The following HSD17B12 variants were observed in gnomAD, a reference collection of about 807,000 sequenced individuals.
HSD17B12 encodes the protein hydroxysteroid 17-beta dehydrogenase 12, also known as very-long-chain 3-oxoacyl-CoA reductase.
In HSD17B12, 32 loss-of-function variants were observed where a neutral mutation model predicts 39.3. The ratio of observed to expected loss-of-function variants is 0.81; its 90% CI spans 0.61 to 1.09. The LOEUF (loss-of-function observed/expected upper bound fraction) is 1.09, where lower values mean the gene tolerates loss of function less well. Ranked by LOEUF, HSD17B12 falls within the 50% of genes least tolerant of loss-of-function variation. The pLI, the probability that HSD17B12 is intolerant of heterozygous loss-of-function variation, is 0.00. For missense variants in HSD17B12, 342 were observed against 382.9 expected (o/e 0.89, Z 0.89); for synonymous variants, 150 against 146.7 (o/e 1.02, Z -0.16).
chr11:43,704,738 C>T (rs188884197), intron 1 of HSD17B12, among the ~76,000 whole-genome samples: 6 of 152,228 alleles, frequency 3.9e-5, no homozygotes, highest in South Asian at 2.1e-4. Flanking sequence ...GAAGGCTTTC[C>T]GAGCCTTAAG....
the HSD17B12 span, among the ~76,000 whole-genome samples, chr11:43,594,736 G>A: frequency 9.9e-5 from 15 of 151,958 alleles, no homozygotes; most frequent in East Asian, 3.9e-4. Flanking sequence ...TGCATTAGTC[G>A]TTTGTTTTTC....
chr11:43,695,700 C>G (rs561986873), intron 1 of HSD17B12, among the ~76,000 whole-genome samples: 110 of 150,502 alleles, frequency 7.3e-4, no homozygotes, highest in Non-Finnish European at 1.2e-3. Flanking sequence ...TCTTTTTAAG[C>G]CTTTTAAATG....
chr11:43,855,025 G>T, intron 10 of HSD17B12, 119 bp from the exon 11 acceptor site: 1 of 1,072,000 alleles, frequency 9.3e-7, no homozygotes, highest in South Asian at 1.6e-5. Flanking sequence ...GTATACCCAA[G>T]AACTTTAAAA....
At chr11:43,566,651 T>G in the HSD17B12 span, among the ~76,000 whole-genome samples, 1 of 151,998 alleles carries the variant, frequency 6.6e-6, no homozygotes. Context: ...TACCTCAGCC[T>G]CCCAAGTAGC....
the HSD17B12 span, among the ~76,000 whole-genome samples, chr11:43,643,610 A>G: frequency 6.6e-6 from 1 of 152,220 alleles, no homozygotes; most frequent in East Asian, 1.9e-4. Context: ...CCCTAAAAAA[A>G]ACTAACTTCA....
At chr11:43,788,943 C>T (rs575415522) in intron 3 of HSD17B12, among the ~76,000 whole-genome samples, 1 of 152,280 alleles carries the variant, frequency 6.6e-6, no homozygotes, top group South Asian at 2.1e-4. Flanking sequence ...TACACTGGGT[C>T]CCACAAATTA....
At chr11:43,598,709 T>C in the HSD17B12 span, among the ~76,000 whole-genome samples, 1 of 152,194 alleles carries the variant, frequency 6.6e-6, no homozygotes, top group African/African-American at 2.4e-5. Flanking sequence ...CTTTTCTCAT[T>C]CATCCATCTC....
intron 1 of HSD17B12, among the ~76,000 whole-genome samples, chr11:43,694,329 AAT>A (rs1158527101): frequency 2.0e-5 from 3 of 152,134 alleles, no homozygotes; most frequent in African/African-American, 4.8e-5. Context: ...AAAGCTGCTA[AAT>A]AAGGGTGATT....
the HSD17B12 span, among the ~76,000 whole-genome samples, chr11:43,557,816 C>G: frequency 6.6e-6 from 1 of 151,970 alleles, no homozygotes; most frequent in African/African-American, 2.4e-5. Context: ...GTCTGTCAGT[C>G]TGGGGACTTA....
At chr11:43,779,330 T>C (rs1296349028) in intron 3 of HSD17B12, among the ~76,000 whole-genome samples, 2 of 152,234 alleles carry the variant, frequency 1.3e-5, no homozygotes, top group Non-Finnish European at 2.9e-5. Context: ...TCCTAGTTAC[T>C]AATTATTAAG....
chr11:43,834,155 A>C (rs1264097919), intron 7 of HSD17B12: 2 of 152,170 alleles, frequency 1.3e-5, no homozygotes, highest in Non-Finnish European at 1.5e-5. Flanking sequence ...TTCTAATTAT[A>C]CACCTGACCC....
At chr11:43,699,577 TTAC>T (rs1949943751) in intron 1 of HSD17B12, among the ~76,000 whole-genome samples, 1 of 152,244 alleles carries the variant, frequency 6.6e-6, no homozygotes. Flanking sequence ...AAATTGTGAA[TTAC>T]TTTTTGTTTT....
chr11:43,619,128 T>C, the HSD17B12 span, among the ~76,000 whole-genome samples: 62 of 139,264 alleles, frequency 4.5e-4, 1 homozygote, highest in Non-Finnish European at 8.8e-4. Flanking sequence ...ATTTAACTTA[T>C]AAGCTTTCTC....
chr11:43,828,841 G>A (rs1328697403), intron 6 of HSD17B12, among the ~76,000 whole-genome samples: 1 of 152,152 alleles, frequency 6.6e-6, no homozygotes, highest in Non-Finnish European at 1.5e-5. Flanking sequence ...AAAATTTGGT[G>A]TTAAAGAAAA....
chr11:43,563,794 G>C, the HSD17B12 span, among the ~76,000 whole-genome samples: 2 of 152,220 alleles, frequency 1.3e-5, no homozygotes, highest in East Asian at 3.9e-4. Context: ...CTCCAACATG[G>C]GTGACAGAGC....
the HSD17B12 span, among the ~76,000 whole-genome samples, chr11:43,596,591 C>A: frequency 6.6e-6 from 1 of 151,838 alleles, no homozygotes; most frequent in Non-Finnish European, 1.5e-5. Context: ...CACCATGATA[C>A]CTGGCTAATT....
chr11:43,658,341 C>A, the HSD17B12 span, among the ~76,000 whole-genome samples: 1 of 152,146 alleles, frequency 6.6e-6, no homozygotes, highest in Non-Finnish European at 1.5e-5. Context: ...GTTCGAACTT[C>A]CTCCTTTAGG....
chr11:43,686,157 T>C (rs1285805522), intron 1 of HSD17B12, among the ~76,000 whole-genome samples: 1 of 152,262 alleles, frequency 6.6e-6, no homozygotes, highest in Non-Finnish European at 1.5e-5. Context: ...TGTCATATGC[T>C]TGCTGTTGAC....
Position 43,681,238 on chromosome 11 carries a change from A to G in HSD17B12, c.160+251A>G, listed in dbSNP as rs188460426. On this transcript the variant is annotated intron_variant, in intron 1 of 10. Coordinates refer to ENST00000278353, the MANE Select transcript of HSD17B12 (RefSeq NM_016142.3). Reference sequence around the variant, plus strand: ...GGAATCTAAGCTCAGCTTAGGGTGTAGGAGAAAACTGCCTTAAGTCTCTGG... The same window carrying G: ...GGAATCTAAGCTCAGCTTAGGGTGTGGGAGAAAACTGCCTTAAGTCTCTGG... The G allele has an allele frequency of 2.0e-3, 2,135 of 1,069,592 alleles. 4 individuals carry two copies. The highest frequency in any genetic ancestry group is 2.4e-3 in the Non-Finnish European group (2,002 of 825,962). 66.3% of individuals were successfully genotyped at this position (1,069,592 alleles called of 1,614,324 possible). A position where few individuals can be genotyped will look rare whatever the true frequency, so the allele number is the denominator to read the frequency against.
Sources: gnomAD v4.1 joint callset for allele counts (sites outside exome capture counted in the v4.1 genomes callset) on GRCh38, gnomAD v4.1.1 for gene constraint, MANE v1.5 for transcripts, NCBI Gene and HGNC (gene_info 2026-07-23, HGNC 2026-07-21) for gene names.